UNC13B: variants seen among roughly 807,000 people sequenced by gnomAD.
UNC13B encodes the protein unc-13 homolog B, also known as protein unc-13 homolog B.
A neutral mutation model predicts 211.0 loss-of-function variants in UNC13B; 144 were observed. The ratio of observed to expected loss-of-function variants is 0.68; its 90% CI spans 0.60 to 0.78. The LOEUF (loss-of-function observed/expected upper bound fraction) is 0.78, where lower values mean the gene tolerates loss of function less well. UNC13B is among the 30% of genes least tolerant of loss of function. The probability of loss-of-function intolerance (pLI) is 0.00; values close to 1 mark genes in which losing one functional copy is unlikely to be tolerated. For synonymous variants in UNC13B, 709 were observed against 725.8 expected (o/e 0.98, Z 0.37); for missense variants, 1,777 against 2,002.0 (o/e 0.89, Z 2.14).
At chr9:35,357,564 T>G (rs1450681146) in intron 11 of UNC13B, among the ~76,000 whole-genome samples, 1 of 151,326 alleles carries the variant, frequency 6.6e-6, no homozygotes, top group Non-Finnish European at 1.5e-5. Flanking sequence ...CTTTGAAGCA[T>G]ACATTTTTTT....
chr9:35,248,320 G>T (rs1312558785), intron 6 of UNC13B, among the ~76,000 whole-genome samples: 1 of 151,978 alleles, frequency 6.6e-6, no homozygotes, highest in East Asian at 1.9e-4. Context: ...TGGATTCATT[G>T]ATTTTTTTGA....
chr9:35,353,729 G>C, intron 11 of UNC13B: 1 of 1,232,118 alleles, frequency 8.1e-7, no homozygotes, highest in Non-Finnish European at 1.0e-6. Flanking sequence ...TGTTCTAAGA[G>C]AGAAAAGACT....
chr9:35,309,040 G>C (rs934109383), intron 9 of UNC13B, among the ~76,000 whole-genome samples: 1 of 152,118 alleles, frequency 6.6e-6, no homozygotes, highest in Admixed American at 6.5e-5. Context: ...TAAATGCTTT[G>C]AGTAAAATCT....
chr9:35,374,211 T>C, intron 13 of UNC13B, among the ~76,000 whole-genome samples: 1 of 16,136 alleles, frequency 6.2e-5, no homozygotes, highest in South Asian at 3.6e-3. Context: ...GGGGCCCCTG[T>C]GCAAGAGTGT....
At chr9:35,390,424 C>A (rs1235051667) in intron 25 of UNC13B, among the ~76,000 whole-genome samples, 1 of 152,266 alleles carries the variant, frequency 6.6e-6, no homozygotes, top group Non-Finnish European at 1.5e-5. Context: ...CCCATCTTGC[C>A]TATGGGGATC....
At chr9:35,231,464 A>G (rs891117228) in intron 3 of UNC13B, among the ~76,000 whole-genome samples, 2 of 152,200 alleles carry the variant, frequency 1.3e-5, no homozygotes, top group East Asian at 3.8e-4. Flanking sequence ...ATGATAATGC[A>G]GGTAAACTCC....
At position 35,304,975 on chromosome 9, in the gene UNC13B, T is replaced by C; in HGVS notation, c.5571T>C (p.Ser1857=). 1 of 398,936 alleles carries C rather than the reference T, an allele frequency of 2.5e-6. No homozygotes were observed. Among genetic ancestry groups the C allele is most frequent in the East Asian group, 3.6e-5 (1 of 28,078 alleles). 24.7% of individuals were successfully genotyped at this position (398,936 alleles called of 1,614,324 possible). A position where few individuals can be genotyped will look rare whatever the true frequency, so the allele number is the denominator to read the frequency against. The change falls in exon 9 of 40, where the codon TCT becomes TCC. Residue 1857 remains serine (S), a synonymous_variant. Coordinates refer to ENST00000635942, the MANE Select transcript of UNC13B (RefSeq NM_001371189.2). ...NHVKKQSLLK[S]GFQVSQTTPQ... is the part of the protein sequence containing the mutation. ...TGAAAAAGCAAAGTTTGTTAAAATC[T>C]GGTTTCCAGGTAAGCCAAACAACTC...
At chr9:35,175,654 A>G (rs562669988) in intron 1 of UNC13B, among the ~76,000 whole-genome samples, 1 of 152,308 alleles carries the variant, frequency 6.6e-6, no homozygotes, top group African/African-American at 2.4e-5. Flanking sequence ...GTATTTGGGC[A>G]GTAAAGAAGT....
intron 6 of UNC13B, among the ~76,000 whole-genome samples, chr9:35,251,254 G>A (rs938965524): frequency 2.6e-5 from 4 of 151,856 alleles, no homozygotes; most frequent in Non-Finnish European, 5.9e-5. Context: ...GTGAGTCACC[G>A]CGCCCGGCCT....
At chr9:35,242,299 G>T (rs1421988400) in intron 5 of UNC13B, among the ~76,000 whole-genome samples, 1 of 152,080 alleles carries the variant, frequency 6.6e-6, no homozygotes, top group Non-Finnish European at 1.5e-5. Context: ...ATTGTGGTAA[G>T]AGACATAACT....
chr9:35,403,981 G>A lies in UNC13B; in HGVS notation c.12971G>A (p.Arg4324Gln), dbSNP rs1430707262. Residue 4324 changes from arginine to glutamine, a missense_variant, in exon 40 of 40, where the codon CGA (arginine) becomes CAA (glutamine). Coordinates refer to ENST00000635942, the MANE Select transcript of UNC13B (RefSeq NM_001371189.2). ...CAGAGGAGCAATGACGAGGTGGCCCGAGAATTTGTGAAACTCAAATCAGAG... is the reference window on the plus strand; with the variant it reads ...CAGAGGAGCAATGACGAGGTGGCCCAAGAATTTGTGAAACTCAAATCAGAG... Reference protein sequence around the residue: ...LSQRSNDEVAREFVKLKSESR... With the variant: ...LSQRSNDEVAQEFVKLKSESR... 8.7e-6 allele frequency: 14 copies of A among 1,613,918 alleles called. No individual in the cohort carries two copies. The highest frequency in any genetic ancestry group is 3.3e-5 in the South Asian group (3 of 91,068).
chr9:35,358,442 C>A (rs1335667682), intron 11 of UNC13B, among the ~76,000 whole-genome samples: 1 of 152,152 alleles, frequency 6.6e-6, no homozygotes, highest in Non-Finnish European at 1.5e-5. Flanking sequence ...CTTCCAATTT[C>A]TCTACATTTT....
intron 7 of UNC13B, among the ~76,000 whole-genome samples, chr9:35,294,059 G>A (rs534927192): frequency 2.3e-4 from 32 of 138,500 alleles, no homozygotes; most frequent in African/African-American, 7.4e-4. Context: ...AAACCCACAT[G>A]TTTGTGCTCT....
chr9:35,387,912 C>G (rs1256925284), intron 24 of UNC13B, among the ~76,000 whole-genome samples: 1 of 152,046 alleles, frequency 6.6e-6, no homozygotes, highest in Non-Finnish European at 1.5e-5. Flanking sequence ...TCTGATACAT[C>G]TACACCAAAG....
chr9:35,399,117 T>G (rs573517636), intron 33 of UNC13B, 44 bp from the exon 34 acceptor site: 5 of 1,613,984 alleles, frequency 3.1e-6, no homozygotes, highest in Non-Finnish European at 4.2e-6. Flanking sequence ...GGAGAGGGGT[T>G]CTCAAACTCT....
rs541525471 is a variant in UNC13B, at chr9:35,183,466, A to G, written c.22+21161A>G. Reference sequence around the variant, plus strand: ...CAGAGGAGCCCCTCACCTCCCAGGCAGGGCGGCCGGGCAGAGGCGCTCCTC... The same window carrying G: ...CAGAGGAGCCCCTCACCTCCCAGGCGGGGCGGCCGGGCAGAGGCGCTCCTC... On this transcript the variant is annotated intron_variant, in intron 1 of 39. Coordinates refer to ENST00000635942, the MANE Select transcript of UNC13B (RefSeq NM_001371189.2). Among the ~76,000 whole-genome samples, 132 of 84,330 alleles carry G rather than the reference A, an allele frequency of 1.6e-3. 2 individuals are homozygous for G. The highest frequency in any genetic ancestry group is 0.015 in the East Asian group (17 of 1,140). The allele number at this position is 84,330 out of a possible 152,430, so 55.3% of individuals were successfully genotyped here. A position where few individuals can be genotyped will look rare whatever the true frequency, so the allele number is the denominator to read the frequency against.
At chr9:35,342,822 CA>C (rs1443601450) in intron 11 of UNC13B, among the ~76,000 whole-genome samples, 1 of 152,202 alleles carries the variant, frequency 6.6e-6, no homozygotes, top group Non-Finnish European at 1.5e-5. Flanking sequence ...TATGTGTATG[CA>C]TGTACTCAAG....
intron 6 of UNC13B, 138 bp downstream of exon 6, chr9:35,243,502 C>A: frequency 2.4e-6 from 2 of 822,784 alleles, no homozygotes; most frequent in South Asian, 3.4e-5. Context: ...AAAAAGGCAG[C>A]TAGAAGATTG....
intron 7 of UNC13B, among the ~76,000 whole-genome samples, chr9:35,274,635 A>T (rs962784189): frequency 6.6e-6 from 1 of 152,224 alleles, no homozygotes; most frequent in Non-Finnish European, 1.5e-5. Context: ...CAAATGCCAA[A>T]GATAATCCTG....
Sources: allele counts gnomAD v4.1 joint callset (sites outside exome capture counted in the v4.1 genomes callset), GRCh38; gene constraint gnomAD v4.1.1; transcripts MANE v1.5; gene names NCBI Gene and HGNC (gene_info 2026-07-23, HGNC 2026-07-21).